AFM: variants seen among roughly 807,000 people sequenced by gnomAD.
AFM encodes alpha-Alb.
A neutral mutation model predicts 68.7 loss-of-function variants in AFM; 82 were observed. The ratio of observed to expected loss-of-function variants is 1.19; its 90% confidence interval spans 1.00 to 1.43. AFM has a LOEUF of 1.43. AFM is among the 40% of genes most tolerant of loss of function. The probability of loss-of-function intolerance (pLI) is 0.00; values close to 1 mark genes in which losing one functional copy is unlikely to be tolerated. For missense variants in AFM, 772 were observed against 701.8 expected, an observed-to-expected ratio of 1.10 and a Z score of -1.13; for synonymous variants, 250 against 234.2, an observed-to-expected ratio of 1.07 and a Z score of -0.61.
chr4:73,488,590 T>A (rs1720978589), intron 6 of AFM, 40 bp from the exon 7 acceptor site: 2 of 1,575,508 alleles, frequency 1.3e-6, no homozygotes, highest in Non-Finnish European at 8.6e-7. Flanking sequence ...TTCTACTTGC[T>A]GTTCAAATTA....
At position 73,481,823 on chromosome 4, in the gene AFM, G is replaced by T. The variant is rs776445618; in HGVS notation, c.48G>T (p.Leu16Phe). The T allele has an allele frequency of 3.7e-6, 6 of 1,604,728 alleles. No homozygotes were observed. The South Asian group carries it at 6.7e-5, about 18-fold the overall frequency. ...GTTTTATTTTTTTCTTGTTTTTTTT[G>T]ACTGAATCCCTAACCCTGCCCACAC... ...LTGFIFFLFF[L>F]TESLTLPTQP... The change falls in exon 1 of 15, where the codon TTG becomes TTT. Residue 16 changes from leucine to phenylalanine, a missense_variant. Transcript: ENST00000226355.
intron 10 of AFM, among the ~76,000 whole-genome samples, chr4:73,498,361 C>G (rs1432042522): frequency 1.3e-5 from 2 of 152,122 alleles, no homozygotes; most frequent in Admixed American, 1.3e-4. Context: ...TCTCAGCTCA[C>G]TGCAATCTCT....
chr4:73,502,927 T>C, intron 13 of AFM, 123 bp from the exon 14 acceptor site: 2 of 919,738 alleles, frequency 2.2e-6, no homozygotes, highest in Admixed American at 2.1e-5. Flanking sequence ...GTTTACTGTT[T>C]CCCTGTACAA....
rs577543020 is a variant in AFM at position 73,491,370 on chromosome 4, A to G, written c.844-502A>G. ...TGAGTGGAATAGCTTCTTATATTTG[A>G]TGAATCGTCATCTGGTAGTTGCTGT... On this transcript the variant is annotated intron_variant, in intron 7 of 14. Transcript: ENST00000226355. 1.2e-4 allele frequency among the ~76,000 whole-genome samples: 18 copies of G among 152,324 alleles called. No individual in the cohort carries two copies. In the South Asian group the frequency reaches 3.7e-3, roughly 32 times the overall value.
In AFM at chr4:73,497,669, G is replaced by A. The variant is rs1721294288; in HGVS notation, c.1209G>A (p.Glu403=). The change falls in exon 10 of 15, where the codon GAG becomes GAA. Residue 403 remains glutamate (E), a synonymous_variant. Coordinates refer to ENST00000226355, the MANE Select transcript of AFM (RefSeq NM_001133.2). ...ATTTTCAGGAAGACAAATTCAATGAGACAACTGAGAAAAGCCTCAAGATGG... is the reference window on the plus strand; with the variant it reads ...ATTTTCAGGAAGACAAATTCAATGAAACAACTGAGAAAAGCCTCAAGATGG... ...CYRYAEDKFN[E]TTEKSLKMVQ... The A allele has an allele frequency of 3.1e-6, 5 of 1,604,544 alleles. No individual in the cohort carries two copies. The highest frequency in any genetic ancestry group is 4.3e-6 in the Non-Finnish European group (5 of 1,175,110).
At chr4:73,484,644 C>T (rs1039265243) in intron 3 of AFM, among the ~76,000 whole-genome samples, 1 of 151,890 alleles carries the variant, frequency 6.6e-6, no homozygotes, top group Non-Finnish European at 1.5e-5. Flanking sequence ...AGGCAATTCT[C>T]ATGCCTCAGT....
intron 7 of AFM, among the ~76,000 whole-genome samples, chr4:73,489,573 A>G (rs914373631): frequency 2.0e-5 from 3 of 152,210 alleles, no homozygotes; most frequent in Admixed American, 2.0e-4. Flanking sequence ...TTGAATCACT[A>G]TGATGTACAA....
chr4:73,503,391 T>C (rs1320587141), intron 14 of AFM, among the ~76,000 whole-genome samples: 1 of 152,126 alleles, frequency 6.6e-6, no homozygotes, highest in Non-Finnish European at 1.5e-5. Flanking sequence ...CCTACTCATG[T>C]ATTCAGCTGT....
chr4:73,503,102 G>T lies in AFM; in HGVS notation c.*32G>T. On this transcript the variant is annotated 3_prime_UTR_variant, in exon 14 of 15. Coordinates refer to ENST00000226355, the MANE Select transcript of AFM (RefSeq NM_001133.2). ...CTGCTGGAGATATGTAAAGAAAAAAGCACCAAAGGTAATACCCTCTGCCTC... is the reference window on the plus strand; with the variant it reads ...CTGCTGGAGATATGTAAAGAAAAAATCACCAAAGGTAATACCCTCTGCCTC... 1 of 1,610,572 alleles carries T rather than the reference G, an allele frequency of 6.2e-7. No homozygotes were observed. The highest frequency in any genetic ancestry group is 8.5e-7 in the Non-Finnish European group (1 of 1,177,142).
In AFM at chr4:73,485,990, G is replaced by T; in HGVS notation, c.399G>T (p.Val133=). The change falls in exon 4 of 15, where the codon GTG becomes GTT. Residue 133 remains valine, a synonymous_variant. Transcript: ENST00000226355. ...TCTTCTATAACAAGAAATCTGATGTGGGATTTCTGCCTCCTTTCCCTACCC... is the reference window on the plus strand; with the variant it reads ...TCTTCTATAACAAGAAATCTGATGTTGGATTTCTGCCTCCTTTCCCTACCC... ...LCFFYNKKSD[V]GFLPPFPTLD... The T allele has an allele frequency of 6.2e-7, 1 of 1,613,884 alleles. No homozygotes were observed. Among genetic ancestry groups the T allele is most frequent in the Non-Finnish European group, 8.5e-7 (1 of 1,179,868 alleles).
chr4:73,485,787 T>C lies in AFM; in HGVS notation c.271-75T>C. The C allele has an allele frequency of 4.2e-6, 5 of 1,187,432 alleles. No homozygotes were observed. The East Asian group carries it at 9.8e-5, about 23-fold the overall frequency. 73.6% of individuals were successfully genotyped at this position (1,187,432 alleles called of 1,614,324 possible). On this transcript the variant is annotated intron_variant, in intron 3 of 14. Coordinates refer to ENST00000226355, the MANE Select transcript of AFM (RefSeq NM_001133.2). The stretch of plus-strand genomic sequence containing the variant: ...TTGGTAATGGTGGGAAAATTAGTCA[T>C]TGTGTTTTCTCAGTGAGTACAGAAG...
chr4:73,488,760 G>A lies in AFM; in HGVS notation c.843+1G>A. On this transcript the variant is annotated splice_donor_variant, in intron 7 of 14. Transcript: ENST00000226355. LOFTEE classifies it high-confidence loss of function. ...TGTTGTGCAGTGCATCCGTGACACG[G>A]TGAATATTCTCTAAAACCAAGTTAA... 1 of 1,602,370 alleles carries A rather than the reference G, an allele frequency of 6.2e-7. No homozygotes were observed. Among genetic ancestry groups the A allele is most frequent in the Non-Finnish European group, 8.5e-7 (1 of 1,176,810 alleles).
rs1479006159 is a variant in AFM at position 73,497,753 on chromosome 4, T to C, written c.1289+4T>C. 1.3e-6 allele frequency: 2 copies of C among 1,570,246 alleles called. No homozygotes were observed. Among genetic ancestry groups the C allele is most frequent in the Non-Finnish European group, 1.7e-6 (2 of 1,146,574 alleles). On this transcript the variant is annotated splice_donor_region_variant and intron_variant, in intron 10 of 14. Transcript: ENST00000226355. ...GGAAGGATGGTTTGAAATACCAGTA[T>C]GTTGTTTGCACAAGTGGGCTAACAC...
intron 7 of AFM, among the ~76,000 whole-genome samples, chr4:73,491,485 T>C (rs1287330184): frequency 6.6e-6 from 1 of 152,206 alleles, no homozygotes; most frequent in Non-Finnish European, 1.5e-5. Flanking sequence ...ACCAGGATTA[T>C]AGATATTATA....
Position 73,499,157 on chromosome 4 carries a change from G to A in AFM, c.1333G>A (p.Glu445Lys). 1.9e-6 allele frequency: 3 copies of A among 1,613,246 alleles called. No homozygotes were observed. The highest frequency in any genetic ancestry group is 2.5e-6 in the Non-Finnish European group (3 of 1,179,528). The change falls in exon 11 of 15, where the codon GAA becomes AAA. Residue 445 changes from glutamate to lysine, a missense_variant. Transcript: ENST00000226355. ...GAAGATAGCTCCCCAACTCTCCACT[G>A]AAGAACTGGTGTCTCTTGGCGAGAA... ...LTKIAPQLSTEELVSLGEKMV... is the reference protein window; with the variant it reads ...LTKIAPQLSTKELVSLGEKMV...
intron 7 of AFM, among the ~76,000 whole-genome samples, chr4:73,490,798 GAAGT>G (rs1378959404): frequency 6.6e-6 from 1 of 152,150 alleles, no homozygotes; most frequent in African/African-American, 2.4e-5. Flanking sequence ...ACTGAAAATA[GAAGT>G]AACTTCCCAG....
chr4:73,485,559 GAGA>G (rs1458090520), intron 3 of AFM, among the ~76,000 whole-genome samples: 1 of 147,954 alleles, frequency 6.8e-6, no homozygotes, highest in Non-Finnish European at 1.5e-5. Context: ...GGAGAAGGAG[GAGA>G]AGGAGAAGGA....
chr4:73,491,773 C>A, intron 7 of AFM, 99 bp from the exon 8 acceptor site: 2 of 986,538 alleles, frequency 2.0e-6, no homozygotes, highest in Non-Finnish European at 1.6e-6. Flanking sequence ...GAAGTGATTC[C>A]AGATGCTGCG....
At chr4:73,501,026 T>C (rs1466864994) in intron 12 of AFM, among the ~76,000 whole-genome samples, 1 of 152,166 alleles carries the variant, frequency 6.6e-6, no homozygotes, top group Admixed American at 6.6e-5. Flanking sequence ...ATTTTCCTCT[T>C]TGGTGCATTA....
Sources: gnomAD v4.1 joint callset for allele counts (sites outside exome capture counted in the v4.1 genomes callset) on GRCh38, gnomAD v4.1.1 for gene constraint, MANE v1.5 for transcripts, NCBI Gene and HGNC (gene_info 2026-07-23, HGNC 2026-07-21) for gene names.